Variants in INPP4A observed in about 807,000 individuals in gnomAD.
INPP4A encodes inositol polyphosphate-4-phosphatase, type I, 107kD.
INPP4A carries 33 observed loss-of-function variants against 119.8 expected under a neutral mutation model. The observed-to-expected ratio is 0.28, with a 90% CI of 0.21 to 0.37. The LOEUF (loss-of-function observed/expected upper bound fraction) is 0.37, where lower values mean the gene tolerates loss of function less well. INPP4A is among the 10% of genes least tolerant of loss of function. The pLI, the probability that INPP4A is intolerant of heterozygous loss-of-function variation, is 1.00. For synonymous variants in INPP4A, 496 were observed against 500.7 expected, an observed-to-expected ratio of 0.99 and a Z score of 0.12; for missense variants, 956 against 1,289.9, an observed-to-expected ratio of 0.74 and a Z score of 3.97.
chr2:98,552,957 C>A lies in INPP4A; in HGVS notation c.1335C>A (p.Ile445=), dbSNP rs1378046457. Residue 445 remains isoleucine (I), a synonymous_variant, in exon 14 of 25, where the codon ATC becomes ATA. Coordinates refer to ENST00000409851, the MANE Select transcript of INPP4A (RefSeq NM_001134225.2). ...SATGLERTLA[I]LADKTRQLVT... ...CTGGCCTTGAGAGGACACTCGCCAT[C>A]TTGGCAGACAAGGTAGGAGGGGTGC... 1 of 1,610,702 alleles carries A rather than the reference C, an allele frequency of 6.2e-7. No individual in the cohort carries two copies. The highest frequency in any genetic ancestry group is 2.2e-5 in the East Asian group (1 of 44,810).
In INPP4A at chr2:98,588,056, T is replaced by C. The variant is rs6754711; in HGVS notation, c.*448T>C. The C allele has an allele frequency of 5.0e-3, 1,084 of 216,156 alleles. 17 individuals carry two copies. The highest frequency in any genetic ancestry group is 0.022 in the African/African-American group (992 of 44,552). 13.4% of individuals were successfully genotyped at this position (216,156 alleles called of 1,614,324 possible). A position where few individuals can be genotyped will look rare whatever the true frequency, so the allele number is the denominator to read the frequency against. On this transcript the variant is annotated 3_prime_UTR_variant, in exon 25 of 25. Coordinates refer to ENST00000409851, the MANE Select transcript of INPP4A (RefSeq NM_001134225.2). Reference sequence around the variant, plus strand: ...AAACAGTAAATAATAAATTAAATAATTGGATCCTAGGCATACCAATAAATG... The same window carrying C: ...AAACAGTAAATAATAAATTAAATAACTGGATCCTAGGCATACCAATAAATG...
chr2:98,457,425 G>A (rs1696313144), intron 1 of INPP4A, among the ~76,000 whole-genome samples: 1 of 152,170 alleles, frequency 6.6e-6, no homozygotes, highest in African/African-American at 2.4e-5. Context: ...GATTACATGA[G>A]CTATGACTAA....
At chr2:98,446,907 T>A (rs1217384786) in intron 1 of INPP4A, among the ~76,000 whole-genome samples, 1 of 152,152 alleles carries the variant, frequency 6.6e-6, no homozygotes, top group Admixed American at 6.5e-5. Context: ...ACGAGAGCTA[T>A]TTGTAAACTG....
At chr2:98,580,837 TA>T (rs1320024646) in intron 24 of INPP4A, among the ~76,000 whole-genome samples, 1 of 152,228 alleles carries the variant, frequency 6.6e-6, no homozygotes, top group East Asian at 1.9e-4. Flanking sequence ...TGGTTCTAGG[TA>T]CCATCTCACC....
chr2:98,552,855 C>T lies in INPP4A; in HGVS notation c.1233C>T (p.Ala411=), dbSNP rs777464539. 6.2e-7 allele frequency: 1 copy of T among 1,613,770 alleles called. No individual in the cohort carries two copies. Among genetic ancestry groups the T allele is most frequent in the Non-Finnish European group, 8.5e-7 (1 of 1,179,818 alleles). ...TTGTCAGAGCCAAGGAGATCATCGC[C>T]CAGATCAACACCCTGAAAACCCAAG... ...QDVVRAKEII[A]QINTLKTQVS... The change falls in exon 14 of 25, where the codon GCC becomes GCT. Residue 411 remains alanine, a synonymous_variant. Coordinates refer to ENST00000409851, the MANE Select transcript of INPP4A (RefSeq NM_001134225.2).
intron 1 of INPP4A, among the ~76,000 whole-genome samples, chr2:98,461,826 A>T (rs546569619): frequency 1.3e-5 from 2 of 152,248 alleles, no homozygotes; most frequent in South Asian, 4.1e-4. Flanking sequence ...TTTGTGTTCC[A>T]TTGTCCAGCT....
intron 1 of INPP4A, among the ~76,000 whole-genome samples, chr2:98,479,594 A>G (rs139364401): frequency 6.6e-6 from 1 of 152,318 alleles, no homozygotes; most frequent in East Asian, 1.9e-4. Flanking sequence ...TATAACCTGC[A>G]GCCCACAGTT....
At position 98,591,173 on chromosome 2, in the gene INPP4A, AC is replaced by A; in HGVS notation, c.*3567del. 1 of 180,070 alleles carries A rather than the reference AC, an allele frequency of 5.6e-6. No homozygotes were observed. The highest frequency in any genetic ancestry group is 1.2e-5 in the Non-Finnish European group (1 of 84,308). The allele number at this position is 180,070 out of a possible 1,614,324, so 11.2% of individuals were successfully genotyped here. ...TGTTCTGAAATGGAGTCCTGGCTTC[AC>A]CATGGAAGGTGGGACATATGGGACA... On this transcript the variant is annotated 3_prime_UTR_variant, in exon 25 of 25. Transcript: ENST00000409851.
chr2:98,457,981 T>A (rs1345585029), intron 1 of INPP4A, among the ~76,000 whole-genome samples: 16 of 146,082 alleles, frequency 1.1e-4, no homozygotes, highest in African/African-American at 3.7e-4. Flanking sequence ...AACAAAAATT[T>A]TTTTTTTTTT....
chr2:98,503,677 G>A (rs1683537820), intron 1 of INPP4A, among the ~76,000 whole-genome samples: 1 of 152,220 alleles, frequency 6.6e-6, no homozygotes, highest in African/African-American at 2.4e-5. Context: ...CTCAGTACTT[G>A]TTGAACAGAT....
rs141794436 is a variant in INPP4A at position 98,517,966 on chromosome 2, G to A, written c.-165-998G>A. ...AACAAACAAAACTCTTTTGGAGGACGAATTTAGGTGAAGGAAAGCATATTT... is the reference window on the plus strand; with the variant it reads ...AACAAACAAAACTCTTTTGGAGGACAAATTTAGGTGAAGGAAAGCATATTT... On this transcript the variant is annotated intron_variant, in intron 1 of 24. Transcript: ENST00000409851. Among the ~76,000 whole-genome samples the A allele has an allele frequency of 4.6e-3, 707 of 152,330 alleles. 4 individuals carry two copies. The highest frequency in any genetic ancestry group is 6.6e-3 in the Non-Finnish European group (447 of 68,014).
At chr2:98,497,149 G>C (rs1347092268) in intron 1 of INPP4A, among the ~76,000 whole-genome samples, 1 of 152,224 alleles carries the variant, frequency 6.6e-6, no homozygotes, top group Non-Finnish European at 1.5e-5. Flanking sequence ...GGCTTCAGAG[G>C]GTGCAAGCCT....
At chr2:98,555,317 C>T (rs567881177) in intron 15 of INPP4A, among the ~76,000 whole-genome samples, 5 of 152,242 alleles carry the variant, frequency 3.3e-5, no homozygotes. Context: ...AGAAGAGTTA[C>T]TAGCAAACAT....
intron 1 of INPP4A, among the ~76,000 whole-genome samples, chr2:98,478,399 C>T (rs1677697969): frequency 1.3e-5 from 2 of 152,212 alleles, no homozygotes; most frequent in Non-Finnish European, 2.9e-5. Context: ...GATGGCTTCT[C>T]TGCCGATCTG....
rs1049948270 is a variant in INPP4A at position 98,589,239 on chromosome 2, CACTGCACAGGTG to C, written c.*1632_*1643del. 1.6e-5 allele frequency: 3 copies of C among 182,716 alleles called. No individual in the cohort carries two copies. Among genetic ancestry groups the C allele is most frequent in the African/African-American group, 2.4e-5 (1 of 42,500 alleles). The allele number at this position is 182,716 out of a possible 1,614,324, so 11.3% of individuals were successfully genotyped here. ...CAGAGAAGCTCCTGCCCGCCAAACC[CACTGCACAGGTG>C]GCTGCTGCTGGTATCAGATTCTCCT... On this transcript the variant is annotated 3_prime_UTR_variant, in exon 25 of 25. Coordinates refer to ENST00000409851, the MANE Select transcript of INPP4A (RefSeq NM_001134225.2).
rs192079283 is a variant in INPP4A at position 98,576,411 on chromosome 2, C to T, written c.2632-578C>T. Among the ~76,000 whole-genome samples, 127 of 152,224 alleles carry T rather than the reference C, an allele frequency of 8.3e-4. 2 individuals are homozygous for T. The East Asian group carries it at 0.02, about 24-fold the overall frequency. On this transcript the variant is annotated intron_variant, in intron 23 of 24. Transcript: ENST00000409851. ...TAACTCTGCTACCGGGAAAGTATGG[C>T]GGGAGGAGGCCTGTGGGGCTGGTGG...
At chr2:98,573,208 C>G (rs955039677) in intron 23 of INPP4A, among the ~76,000 whole-genome samples, 1 of 152,158 alleles carries the variant, frequency 6.6e-6, no homozygotes, top group African/African-American at 2.4e-5. Flanking sequence ...GCCTGGCGAT[C>G]GATACCAGCT....
chr2:98,466,440 C>A (rs1157372766), intron 1 of INPP4A, among the ~76,000 whole-genome samples: 31 of 152,266 alleles, frequency 2.0e-4, no homozygotes, highest in Admixed American at 2.0e-3. Context: ...TCACAGATTA[C>A]AATGAGTCAC....
chr2:98,552,496 A>G (rs150257884), intron 13 of INPP4A: 49 of 513,274 alleles, frequency 9.5e-5, no homozygotes, highest in Middle Eastern at 5.0e-4. Flanking sequence ...ATTATGGGAT[A>G]TGATTGTTCA....
Sources: allele counts gnomAD v4.1 joint callset (sites outside exome capture counted in the v4.1 genomes callset), GRCh38; gene constraint gnomAD v4.1.1; transcripts MANE v1.5; gene names NCBI Gene and HGNC (gene_info 2026-07-23, HGNC 2026-07-21).